Variants in TRIM54 observed in about 807,000 individuals in gnomAD.
TRIM54 encodes tripartite motif-containing protein 54.
Under a neutral mutation model 42.0 loss-of-function variants are expected in TRIM54, and 40 were observed. The observed-to-expected ratio is 0.95, with a 90% CI of 0.74 to 1.24. TRIM54 has a LOEUF of 1.24. TRIM54 is among the 50% of genes most tolerant of loss of function. TRIM54 has a pLI of 0.00. For missense variants in TRIM54, 485 were observed against 480.3 expected (o/e 1.01, Z -0.09); for synonymous variants, 199 against 194.9 (o/e 1.02, Z -0.17).
rs1198794400 is a variant in TRIM54 at position 27,306,427 on chromosome 2, C to T, written c.992-29C>T. The T allele has an allele frequency of 6.2e-7, 1 of 1,607,652 alleles. No individual in the cohort carries two copies. The highest frequency in any genetic ancestry group is 1.3e-5 in the African/African-American group (1 of 74,792). On this transcript the variant is annotated intron_variant, in intron 7 of 8. Coordinates refer to ENST00000380075, the MANE Select transcript of TRIM54 (RefSeq NM_187841.3). The surrounding 1 kb of genome is among the most constrained non-coding windows in gnomAD (Gnocchi z 6.1). The stretch of plus-strand genomic sequence containing the variant: ...CACGATGGCCGTAAAGGCAGGGACT[C>T]CACCTCACCAGGCCTTCCTTGGGCT...
At chr2:27,304,843 C>A in intron 3 of TRIM54, 116 bp from the exon 4 acceptor site, 1 of 742,890 alleles carries the variant, frequency 1.3e-6, no homozygotes, top group Non-Finnish European at 2.3e-6. Context: ...GCTGTAGATG[C>A]CCTTATGGGG....
chr2:27,297,503 CCTCCTTCTGAGCCTACCCCTATCACAACA>C (rs1281082021), intron 1 of TRIM54, among the ~76,000 whole-genome samples: 1 of 152,166 alleles, frequency 6.6e-6, no homozygotes, highest in African/African-American at 2.4e-5. Context: ...TCTGTTAAGT[CCTCCTTCTGAGCCTACCCCTATCACAACA>C]CCCATCCTGC....
chr2:27,306,457 C>A lies in TRIM54; in HGVS notation c.993C>A (p.Gly331=), dbSNP rs774330449. The change falls in exon 8 of 9, where the codon GGC becomes GGA. Residue 331 remains glycine (G), a splice_region_variant and synonymous_variant. Coordinates refer to ENST00000380075, the MANE Select transcript of TRIM54 (RefSeq NM_187841.3). This position sits in a 1 kb window ranked among gnomAD's most constrained non-coding sequence, Gnocchi z 6.1. ...TCACCAGGCCTTCCTTGGGCTCAGG[C>A]GCTTCCGGGGAGGAAGAGGAGGTGG... ...EMLRTIDFQP[G]ASGEEEEVAP... is the part of the protein sequence containing the mutation. The A allele has an allele frequency of 6.3e-7, 1 of 1,598,772 alleles. No individual in the cohort carries two copies. The highest frequency in any genetic ancestry group is 8.5e-7 in the Non-Finnish European group (1 of 1,172,620).
intron 1 of TRIM54, among the ~76,000 whole-genome samples, chr2:27,291,756 A>G (rs1171243288): frequency 6.6e-6 from 1 of 152,240 alleles, no homozygotes; most frequent in Non-Finnish European, 1.5e-5. Flanking sequence ...GCATTGCTGA[A>G]GCAATCACAG....
At chr2:27,298,208 G>C (rs1018370006) in intron 1 of TRIM54, among the ~76,000 whole-genome samples, 2 of 152,100 alleles carry the variant, frequency 1.3e-5, no homozygotes, top group African/African-American at 4.8e-5. Context: ...GACATTGGTC[G>C]CACCACTCAG....
chr2:27,286,202 C>T (rs1678554064), intron 1 of TRIM54, among the ~76,000 whole-genome samples: 2 of 151,242 alleles, frequency 1.3e-5, no homozygotes, highest in African/African-American at 2.4e-5. Context: ...ATTATGTTAC[C>T]CAGACTGATC....
intron 1 of TRIM54, 36 bp downstream of exon 1, chr2:27,282,935 A>G: frequency 6.3e-7 from 1 of 1,586,178 alleles, no homozygotes; most frequent in East Asian, 2.2e-5. Flanking sequence ...CAGGTAAAGC[A>G]ATGCAGACCT....
At chr2:27,285,424 G>A (rs370248373) in intron 1 of TRIM54, among the ~76,000 whole-genome samples, 4 of 152,080 alleles carry the variant, frequency 2.6e-5, no homozygotes, top group African/African-American at 4.8e-5. Flanking sequence ...GAAAGTTAAC[G>A]GTTATCAAAG....
chr2:27,300,572 G>GTAGTAGTACTAATAATAATATTTATTAT lies in TRIM54; in HGVS notation c.513+1164_513+1165insCTAATAATAATATTTATTATTAGTAGTA, dbSNP rs1558588633. Among the ~76,000 whole-genome samples the GTAGTAGTACTAATAATAATATTTATTAT allele has an allele frequency of 4.2e-4, 44 of 104,612 alleles. 1 individual carries two copies. The South Asian group carries it at 6.1e-3, about 14-fold the overall frequency. 68.6% of individuals were successfully genotyped at this position (104,612 alleles called of 152,430 possible). ...ATACTACTAATAATAATATTTATTA[G>GTAGTAGTACTAATAATAATATTTATTAT]TAGTAGTAGTACTAATAATAATATT... On this transcript the variant is annotated intron_variant, in intron 3 of 8. Coordinates refer to ENST00000380075, the MANE Select transcript of TRIM54 (RefSeq NM_187841.3).
At chr2:27,286,417 C>T (rs1678560852) in intron 1 of TRIM54, among the ~76,000 whole-genome samples, 1 of 152,060 alleles carries the variant, frequency 6.6e-6, no homozygotes, top group African/African-American at 2.4e-5. Flanking sequence ...CCACATTAAC[C>T]CCCTCTAATT....
chr2:27,297,524 A>G (rs1035786526), intron 1 of TRIM54, among the ~76,000 whole-genome samples: 3 of 152,200 alleles, frequency 2.0e-5, no homozygotes, highest in African/African-American at 7.2e-5. Flanking sequence ...GCCTACCCCT[A>G]TCACAACACC....
rs559076908 is a variant in TRIM54, at chr2:27,289,232, G to A, written c.168+6333G>A. ...CTTTCTAATAACAATATTTCTAAAT[G>A]CATGCAATATAATACATATGGTTAT... On this transcript the variant is annotated intron_variant, in intron 1 of 8. Coordinates refer to ENST00000380075, the MANE Select transcript of TRIM54 (RefSeq NM_187841.3). Among the ~76,000 whole-genome samples the A allele has an allele frequency of 2.6e-5, 4 of 152,238 alleles. No individual in the cohort carries two copies. The South Asian group carries it at 8.3e-4, about 32-fold the overall frequency.
Position 27,307,289 on chromosome 2 carries a change from G to T in TRIM54, c.*404G>T. 1 of 678,846 alleles carries T rather than the reference G, an allele frequency of 1.5e-6. No individual in the cohort carries two copies. Among genetic ancestry groups the T allele is most frequent in the Non-Finnish European group, 2.4e-6 (1 of 419,076 alleles). 42.1% of individuals were successfully genotyped at this position (678,846 alleles called of 1,614,324 possible). ...CTGGCTGACCTGGCTGAAAGCCGCT[G>T]TCTCGGAGCCCCCCACAGCATTTTG... On this transcript the variant is annotated 3_prime_UTR_variant, in exon 9 of 9. Transcript: ENST00000380075. The surrounding 1 kb of genome is among the most constrained non-coding windows in gnomAD (Gnocchi z 6.9).
In TRIM54 at chr2:27,304,820, A is replaced by G. The variant is rs575354486; in HGVS notation, c.514-139A>G. 7.9e-6 allele frequency: 5 copies of G among 633,758 alleles called. No individual in the cohort carries two copies. The East Asian group carries it at 1.4e-4, about 18-fold the overall frequency. 39.3% of individuals were successfully genotyped at this position (633,758 alleles called of 1,614,324 possible). On this transcript the variant is annotated intron_variant, in intron 3 of 8. Transcript: ENST00000380075. ...TGCTTCCGTACCTCTTGATGGTTCA[A>G]GCCTTCTAGATTGCTGTAGATGCCC...
At chr2:27,303,095 G>A (rs542700268) in intron 3 of TRIM54, among the ~76,000 whole-genome samples, 1 of 152,236 alleles carries the variant, frequency 6.6e-6, no homozygotes, top group African/African-American at 2.4e-5. Flanking sequence ...GAAATCAGTG[G>A]GGGTGGGGAG....
At chr2:27,303,141 C>G (rs1049410213) in intron 3 of TRIM54, among the ~76,000 whole-genome samples, 1 of 152,130 alleles carries the variant, frequency 6.6e-6, no homozygotes, top group Non-Finnish European at 1.5e-5. Context: ...AAGCAGAACC[C>G]TGAGTGGCAA....
chr2:27,283,855 C>G (rs944107028), intron 1 of TRIM54, among the ~76,000 whole-genome samples: 9 of 150,872 alleles, frequency 6.0e-5, no homozygotes, highest in Non-Finnish European at 1.0e-4. Flanking sequence ...CTGAATATGG[C>G]CAGGTGCAGT....
rs75548947 is a variant in TRIM54 at position 27,291,773 on chromosome 2, A to G, written c.169-6794A>G. 7.5e-3 allele frequency among the ~76,000 whole-genome samples: 1,135 copies of G among 152,320 alleles called. 92 individuals carry two copies. The East Asian group carries it at 0.18, about 25-fold the overall frequency. On this transcript the variant is annotated intron_variant, in intron 1 of 8. Coordinates refer to ENST00000380075, the MANE Select transcript of TRIM54 (RefSeq NM_187841.3). ...ATTGCTGAAGCAATCACAGAAGGGAAGGGCTGCCCTGGAGATTAAGATGAA... is the reference window on the plus strand; with the variant it reads ...ATTGCTGAAGCAATCACAGAAGGGAGGGGCTGCCCTGGAGATTAAGATGAA...
intron 1 of TRIM54, among the ~76,000 whole-genome samples, chr2:27,288,587 T>A (rs1233020079): frequency 6.6e-6 from 1 of 152,232 alleles, no homozygotes; most frequent in Non-Finnish European, 1.5e-5. Flanking sequence ...TACCCTGTGG[T>A]TCTGTGTGGT....
Sources: allele counts gnomAD v4.1 joint callset (sites outside exome capture counted in the v4.1 genomes callset), GRCh38; gene constraint gnomAD v4.1.1; non-coding constraint Gnocchi (gnomAD v3.1); transcripts MANE v1.5; gene names NCBI Gene and HGNC (gene_info 2026-07-23, HGNC 2026-07-21).